JADE3: variants seen among roughly 807,000 people sequenced by gnomAD.
JADE3 encodes jade family PHD finger 3.
A neutral mutation model predicts 50.1 loss-of-function variants in JADE3; 2 were observed. The ratio of observed to expected loss-of-function variants is 0.04; its 90% CI spans 0.02 to 0.13. The LOEUF (loss-of-function observed/expected upper bound fraction) is 0.13. Ranked by LOEUF, JADE3 falls within the 10% of genes least tolerant of loss-of-function variation. The pLI is 1.00. For synonymous variants in JADE3, 218 were observed against 232.9 expected (o/e 0.94, Z 0.58); for missense variants, 475 against 634.4 (o/e 0.75, Z 2.70).
chrX:47,039,844 A>G (rs1170985361), intron 8 of JADE3, among the ~76,000 whole-genome samples: 1 of 111,823 alleles, frequency 8.9e-6, no homozygotes, highest in Non-Finnish European at 1.9e-5. Context: ...TGGTGTACAG[A>G]TAATTTTCTC....
intron 1 of JADE3, among the ~76,000 whole-genome samples, chrX:46,951,614 C>T (rs1338753336): frequency 1.9e-5 from 2 of 103,936 alleles, no homozygotes. Context: ...TCATCACACT[C>T]TTTTTCGTCT....
chrX:46,965,042 T>C (rs1165178683), intron 1 of JADE3, among the ~76,000 whole-genome samples: 1 of 111,997 alleles, frequency 8.9e-6, no homozygotes, highest in African/African-American at 3.3e-5. Context: ...AGTAAAAAAT[T>C]AGACATATCT....
chrX:46,914,999 C>T (rs782619700), intron 1 of JADE3, among the ~76,000 whole-genome samples: 12 of 111,974 alleles, frequency 1.1e-4, no homozygotes, highest in Non-Finnish European at 1.7e-4. Flanking sequence ...TTAGTATTGT[C>T]CTCTCCTTTA....
rs782308654 is a variant in JADE3 at position 47,060,459 on chromosome X, TGTA to T, written c.*1387_*1389del. 8 of 111,889 alleles carry T rather than the reference TGTA, an allele frequency of 7.1e-5. No homozygotes were observed. The highest frequency in any genetic ancestry group is 1.5e-4 in the Non-Finnish European group (8 of 53,146). 9.2% of individuals were successfully genotyped at this position (111,889 alleles called of 1,213,427 possible). On this transcript the variant is annotated 3_prime_UTR_variant, in exon 11 of 11. Transcript: ENST00000614628. ...CTTCTTACTGGTGAAACAGCCCAGT[TGTA>T]GTAGGTGCCAGTCAGTCAAGGCAGG...
At chrX:47,043,707 T>C (rs1384239305) in intron 8 of JADE3, among the ~76,000 whole-genome samples, 3 of 108,191 alleles carry the variant, frequency 2.8e-5, no homozygotes, top group Non-Finnish European at 5.7e-5. Flanking sequence ...TAGTCCCAGC[T>C]ACCCGGGAGG....
chrX:46,932,996 A>C (rs1042555835), intron 1 of JADE3, among the ~76,000 whole-genome samples: 1 of 112,195 alleles, frequency 8.9e-6, no homozygotes, highest in Admixed American at 9.5e-5. Context: ...CATAGCAATA[A>C]AAATTGATAA....
rs376265624 is a variant in JADE3 at position 46,933,337 on chromosome X, G to C, written c.-12+20618G>C. On this transcript the variant is annotated intron_variant, in intron 1 of 10. Transcript: ENST00000614628. Reference sequence around the variant, plus strand: ...GTCATTACCCAAAGAACTAAAAATGGAGTAATGCAAAAGAGTGGAACTCCT... The same window carrying C: ...GTCATTACCCAAAGAACTAAAAATGCAGTAATGCAAAAGAGTGGAACTCCT... Among the ~76,000 whole-genome samples, 514 of 112,046 alleles carry C rather than the reference G, an allele frequency of 4.6e-3. 2 individuals carry two copies. Among genetic ancestry groups the C allele is most frequent in the African/African-American group, 0.016 (494 of 30,861 alleles).
chrX:46,919,070 T>C (rs782392157), intron 1 of JADE3, among the ~76,000 whole-genome samples: 4 of 112,740 alleles, frequency 3.5e-5, no homozygotes, highest in Non-Finnish European at 7.5e-5. Flanking sequence ...TAGTGTATTC[T>C]AGAGACTAAA....
chrX:47,044,027 A>G (rs1279327081), intron 8 of JADE3, among the ~76,000 whole-genome samples: 2 of 111,034 alleles, frequency 1.8e-5, no homozygotes, highest in Non-Finnish European at 3.8e-5. Context: ...TACAAGATGT[A>G]GAAAATAGCC....
chrX:47,030,719 T>C (rs782330228), intron 6 of JADE3, among the ~76,000 whole-genome samples: 16 of 112,094 alleles, frequency 1.4e-4, no homozygotes, highest in Non-Finnish European at 2.8e-4. Context: ...AAGTAGCCTT[T>C]AGATTTTAAC....
At chrX:46,976,964 T>C (rs988858699) in intron 1 of JADE3, among the ~76,000 whole-genome samples, 37 of 111,991 alleles carry the variant, frequency 3.3e-4, no homozygotes, top group African/African-American at 1.2e-3. Context: ...GACTTTGAGA[T>C]CTGCCTGGTC....
intron 3 of JADE3, among the ~76,000 whole-genome samples, chrX:46,996,147 C>T (rs782393936): frequency 8.9e-6 from 1 of 112,102 alleles, no homozygotes; most frequent in Non-Finnish European, 1.9e-5. Flanking sequence ...AGCAATTCTC[C>T]TGCCTCAGCC....
chrX:46,936,351 G>A (rs1926624959), intron 1 of JADE3, among the ~76,000 whole-genome samples: 2 of 111,255 alleles, frequency 1.8e-5, no homozygotes, highest in Non-Finnish European at 3.8e-5. Flanking sequence ...CTTGGTTGAG[G>A]GGTATTATTA....
intron 3 of JADE3, 56 bp downstream of exon 3, chrX:46,985,848 C>A: frequency 1.2e-6 from 1 of 803,560 alleles, no homozygotes; most frequent in Non-Finnish European, 1.9e-6. Context: ...GCTTGTCTTC[C>A]AAAACCTCAT....
chrX:47,052,633 C>CAAA (rs1195947563), intron 8 of JADE3, among the ~76,000 whole-genome samples: 6 of 18,926 alleles, frequency 3.2e-4, no homozygotes, highest in Admixed American at 6.3e-4. Context: ...GACTCTGTCT[C>CAAA]AAAAAAAAAA....
intron 1 of JADE3, among the ~76,000 whole-genome samples, chrX:46,959,936 G>A (rs1556347330): frequency 9.0e-6 from 1 of 111,189 alleles, no homozygotes; most frequent in African/African-American, 3.3e-5. Flanking sequence ...TGGTCCATAT[G>A]GGTAACTCAC....
intron 4 of JADE3, among the ~76,000 whole-genome samples, chrX:47,019,454 A>G (rs1261529868): frequency 1.8e-5 from 2 of 111,448 alleles, no homozygotes; most frequent in African/African-American, 6.5e-5. Flanking sequence ...GTGTAATCAT[A>G]GCTCTCTACA....
chrX:46,945,893 C>T (rs1195850725), intron 1 of JADE3, among the ~76,000 whole-genome samples: 1 of 111,239 alleles, frequency 9.0e-6, no homozygotes, highest in South Asian at 3.8e-4. Flanking sequence ...TAGGATAGGC[C>T]GCTCCTAGGC....
At chrX:46,965,325 G>C (rs1289611469) in intron 1 of JADE3, among the ~76,000 whole-genome samples, 1 of 111,538 alleles carries the variant, frequency 9.0e-6, no homozygotes, top group Non-Finnish European at 1.9e-5. Context: ...AGCAGAGAGA[G>C]ACTTAGGACC....
Sources: gnomAD v4.1 joint callset for allele counts (sites outside exome capture counted in the v4.1 genomes callset) on GRCh38, gnomAD v4.1.1 for gene constraint, MANE v1.5 for transcripts, NCBI Gene and HGNC (gene_info 2026-07-23, HGNC 2026-07-21) for gene names.